Variants in PHIP observed in about 807,000 individuals in gnomAD.
PHIP encodes the protein PHIP subunit of CUL4-Ring ligase complex.
Under a neutral mutation model 236.8 loss-of-function variants are expected in PHIP, and 54 were observed. The observed-to-expected ratio is 0.23, with a 90% CI of 0.18 to 0.29. The LOEUF is 0.29. Ranked by LOEUF, PHIP falls within the 10% of genes least tolerant of loss-of-function variation. PHIP has a pLI of 1.00. For synonymous variants in PHIP, 756 were observed against 718.9 expected (o/e 1.05, Z -0.83); for missense variants, 1,370 against 2,190.8 (o/e 0.63, Z 7.48).
intron 32 of PHIP, chr6:78,957,397 A>T (rs1766492390): frequency 6.6e-6 from 1 of 151,872 alleles, no homozygotes; most frequent in African/African-American, 2.4e-5. Context: ...TAGCCCCCAA[A>T]CCATTGGAAA....
At chr6:79,065,360 C>G (rs564833234) in intron 4 of PHIP, among the ~76,000 whole-genome samples, 1 of 152,154 alleles carries the variant, frequency 6.6e-6, no homozygotes, top group African/African-American at 2.4e-5. Context: ...CATGTATGGT[C>G]ACTTCTTATT....
intron 35 of PHIP, among the ~76,000 whole-genome samples, chr6:78,951,800 A>G (rs1027251296): frequency 5.8e-4 from 88 of 152,198 alleles, no homozygotes; most frequent in Non-Finnish European, 6.9e-4. Context: ...TCATTTGCCT[A>G]TTGTCTCAGA....
chr6:79,022,436 A>G (rs1367337785), intron 9 of PHIP, among the ~76,000 whole-genome samples: 4 of 152,158 alleles, frequency 2.6e-5, no homozygotes, highest in African/African-American at 9.7e-5. Flanking sequence ...AGTAGTATTT[A>G]AATCCTGGCT....
Position 78,935,058 on chromosome 6 carries a change from G to A in PHIP, c.*5635C>T, listed in dbSNP as rs1773218825. On this transcript the variant is annotated 3_prime_UTR_variant, in exon 40 of 40. Coordinates refer to ENST00000275034, the MANE Select transcript of PHIP (RefSeq NM_017934.7). ...TAATCTTACTTCCGTTAAATACTGG[G>A]GAATCCTGGGTCATAAAATTGGTAT... is the stretch of plus-strand genomic sequence containing the variant. Among the ~76,000 whole-genome samples, 1 of 152,066 alleles carries A rather than the reference G, an allele frequency of 6.6e-6. No individual in the cohort carries two copies. Among genetic ancestry groups the A allele is most frequent in the Non-Finnish European group, 1.5e-5 (1 of 68,002 alleles).
chr6:79,066,063 C>G (rs1260346752), intron 4 of PHIP, among the ~76,000 whole-genome samples: 1 of 151,764 alleles, frequency 6.6e-6, no homozygotes, highest in Non-Finnish European at 1.5e-5. Flanking sequence ...ATAATAAAAT[C>G]TCTTACTATA....
rs201796187 is a variant in PHIP at position 78,963,081 on chromosome 6, G to A, written c.3535+16C>T. ...TTCTGCCAGTTTTTTCTATACTCGC[G>A]TGTTGCTTTACTTACCTAGTGTCAT... is the stretch of plus-strand genomic sequence containing the variant. On this transcript the variant is annotated intron_variant, in intron 30 of 39. Coordinates refer to ENST00000275034, the MANE Select transcript of PHIP (RefSeq NM_017934.7). The A allele has an allele frequency of 3.0e-5, 47 of 1,558,976 alleles. No individual in the cohort carries two copies. The highest frequency in any genetic ancestry group is 7.0e-5 in the East Asian group (3 of 42,844).
At chr6:78,977,350 G>T (rs991312075) in intron 24 of PHIP, among the ~76,000 whole-genome samples, 1 of 150,562 alleles carries the variant, frequency 6.6e-6, no homozygotes, top group East Asian at 2.0e-4. Context: ...CACAGGAAGG[G>T]GAACATCACA....
chr6:79,048,106 T>G (rs1772593613), intron 6 of PHIP, among the ~76,000 whole-genome samples: 1 of 152,026 alleles, frequency 6.6e-6, no homozygotes, highest in African/African-American at 2.4e-5. Context: ...AATATTTATT[T>G]GGGTATTCCT....
rs375212505 is a variant in PHIP at position 79,068,943 on chromosome 6, T to C, written c.190-8125A>G. Among the ~76,000 whole-genome samples the C allele has an allele frequency of 5.9e-5, 9 of 152,140 alleles. No homozygotes were observed. In the South Asian group the frequency reaches 6.2e-4, roughly 11 times the overall value. On this transcript the variant is annotated intron_variant, in intron 4 of 39. Coordinates refer to ENST00000275034, the MANE Select transcript of PHIP (RefSeq NM_017934.7). ...TTTGTCTAACTAGGCTTTCACTTCA[T>C]CCTTATGTTCTGAACACCTAATTGG...
At chr6:78,971,858 C>G (rs1256868075) in intron 24 of PHIP, among the ~76,000 whole-genome samples, 3 of 152,196 alleles carry the variant, frequency 2.0e-5, no homozygotes, top group African/African-American at 7.2e-5. Flanking sequence ...TTATATCCCG[C>G]ACCTGGCTCG....
chr6:79,032,137 T>C (rs539904747), intron 7 of PHIP, among the ~76,000 whole-genome samples: 2 of 152,344 alleles, frequency 1.3e-5, no homozygotes, highest in South Asian at 2.1e-4. Context: ...AAAAATACTT[T>C]ATTGCTAAAA....
intron 7 of PHIP, among the ~76,000 whole-genome samples, chr6:79,037,727 A>G (rs115249491): frequency 0.037 from 5,622 of 152,290 alleles, 102 homozygotes; most frequent in Middle Eastern, 0.058. Context: ...TATCTTACAG[A>G]TATTTGTATG....
chr6:78,955,134 T>TA (rs1375117060), intron 34 of PHIP, 98 bp downstream of exon 34: 5 of 909,012 alleles, frequency 5.5e-6, no homozygotes, highest in African/African-American at 5.2e-5. Context: ...TTGAAATACT[T>TA]AATGTCTTTT....
chr6:78,961,789 G>T lies in PHIP; in HGVS notation c.3557C>A (p.Ala1186Asp), dbSNP rs750632958. 1.2e-6 allele frequency: 2 copies of T among 1,610,230 alleles called. No homozygotes were observed. Among genetic ancestry groups the T allele is most frequent in the South Asian group, 1.1e-5 (1 of 90,752 alleles). ...GGGATAGGCTTGCAGATCCACGGGG[G>T]CCACAAATGCTGAGGCAATATCTAA... ...MTLDIASAFVAPVDLQAYPMY... is the reference protein window; with the variant it reads ...MTLDIASAFVDPVDLQAYPMY... The change falls in exon 31 of 40, where the codon GCC becomes GAC. Residue 1186 changes from alanine (A) to aspartate (D), a missense_variant. By Grantham distance (126) the Ala-to-Asp change is moderately radical. This residue lies in a region of PHIP where 238 missense variants were observed against 398.5 expected (regional missense o/e 0.60). Transcript: ENST00000275034.
At chr6:79,040,218 T>C (rs533520789) in intron 7 of PHIP, among the ~76,000 whole-genome samples, 3 of 152,182 alleles carry the variant, frequency 2.0e-5, no homozygotes, top group Non-Finnish European at 4.4e-5. Flanking sequence ...CTTTAGGTGA[T>C]GAGAAAACTG....
At chr6:78,971,360 G>C (rs1767536015) in intron 24 of PHIP, among the ~76,000 whole-genome samples, 1 of 152,210 alleles carries the variant, frequency 6.6e-6, no homozygotes, top group Admixed American at 6.5e-5. Context: ...TCAAATTTAA[G>C]TGACTCCTGA....
intron 9 of PHIP, 21 bp from the exon 10 acceptor site, chr6:79,019,180 A>G (rs1407704746): frequency 9.0e-6 from 14 of 1,553,936 alleles, no homozygotes; most frequent in Non-Finnish European, 1.2e-5. Flanking sequence ...AAAAATAAAG[A>G]ATTAAAAATA....
At chr6:79,051,398 G>A (rs1219153984) in intron 6 of PHIP, among the ~76,000 whole-genome samples, 1 of 152,130 alleles carries the variant, frequency 6.6e-6, no homozygotes, top group Non-Finnish European at 1.5e-5. Context: ...AGGAGGGCAG[G>A]TATTGGGAAT....
In PHIP at chr6:78,940,656, G is replaced by A; in HGVS notation, c.*37C>T. 1 of 1,335,682 alleles carries A rather than the reference G, an allele frequency of 7.5e-7. No homozygotes were observed. 82.7% of individuals were successfully genotyped at this position (1,335,682 alleles called of 1,614,324 possible). ...TTCTACTTATTCCTTAACTGTACCT[G>A]CTTTATAGATTTTGAAGTAAAATAT... On this transcript the variant is annotated 3_prime_UTR_variant, in exon 40 of 40. Transcript: ENST00000275034.
Sources: allele counts gnomAD v4.1 joint callset (sites outside exome capture counted in the v4.1 genomes callset), GRCh38; gene constraint gnomAD v4.1.1; regional missense constraint gnomAD v4.1.1; transcripts MANE v1.5; gene names NCBI Gene and HGNC (gene_info 2026-07-23, HGNC 2026-07-21).